The following TESPA1 variants were observed in gnomAD, a reference collection of about 807,000 sequenced individuals.
TESPA1 encodes the protein protein TESPA1.
Under a neutral mutation model 57.9 loss-of-function variants are expected in TESPA1, and 33 were observed. The ratio of observed to expected loss-of-function variants is 0.57; its 90% CI spans 0.43 to 0.76. The LOEUF (loss-of-function observed/expected upper bound fraction) is 0.76. Ranked by LOEUF, TESPA1 falls within the 30% of genes least tolerant of loss-of-function variation. The probability of loss-of-function intolerance (pLI) is 0.00; values close to 1 mark genes in which losing one functional copy is unlikely to be tolerated. For missense variants in TESPA1, 618 were observed against 632.9 expected, an observed-to-expected ratio of 0.98 and a Z score of 0.25; for synonymous variants, 227 against 228.9, an observed-to-expected ratio of 0.99 and a Z score of 0.07.
chr12:54,962,712 G>A lies in TESPA1; in HGVS notation c.1186C>T (p.Pro396Ser). The A allele has an allele frequency of 6.2e-7, 1 of 1,613,916 alleles. No individual in the cohort carries two copies. The highest frequency in any genetic ancestry group is 8.5e-7 in the Non-Finnish European group (1 of 1,179,884). ...PKVPCCTHSL[P>S]IEDPQWSTDP... ...GTGCTCCACTGTGGATCTTCTATGGGCAGAGAATGTGTGCAACAGGGTACC... is the reference window on the plus strand; with the variant it reads ...GTGCTCCACTGTGGATCTTCTATGGACAGAGAATGTGTGCAACAGGGTACC... Residue 396 changes from proline (P) to serine (S), a missense_variant, in exon 9 of 11, where the codon CCC (proline) becomes TCC (serine). By Grantham distance (74) the Pro-to-Ser change is moderately conservative (BLOSUM62 -1). Coordinates refer to ENST00000449076, the MANE Select transcript of TESPA1 (RefSeq NM_001136030.3).
intron 1 of TESPA1, chr12:54,984,113 T>C (rs758021394): frequency 6.6e-6 from 1 of 152,208 alleles, no homozygotes; most frequent in African/African-American, 2.4e-5. Flanking sequence ...GAAAGCAAAG[T>C]TGATTTCAGC....
chr12:54,969,753 A>G (rs997645634), intron 3 of TESPA1, among the ~76,000 whole-genome samples: 3 of 152,194 alleles, frequency 2.0e-5, no homozygotes, highest in Admixed American at 6.5e-5. Flanking sequence ...ATAAAGTTCA[A>G]AATAATCCCA....
chr12:54,962,133 T>G (rs1307196191), intron 9 of TESPA1, among the ~76,000 whole-genome samples: 1 of 152,242 alleles, frequency 6.6e-6, no homozygotes, highest in African/African-American at 2.4e-5. Context: ...GCTCTCCATT[T>G]GTAATCTCAT....
chr12:54,966,373 G>C lies in TESPA1; in HGVS notation c.347+15C>G. 1 of 1,613,896 alleles carries C rather than the reference G, an allele frequency of 6.2e-7. No individual in the cohort carries two copies. The highest frequency in any genetic ancestry group is 8.5e-7 in the Non-Finnish European group (1 of 1,179,790). On this transcript the variant is annotated intron_variant, in intron 6 of 10. Transcript: ENST00000449076. ...AAAGGAGACATCATTCACCCTGGCT[G>C]AACCTAACACTTACCTGGAGAAGAG...
chr12:54,978,663 T>C (rs1285991056), intron 1 of TESPA1, among the ~76,000 whole-genome samples: 1 of 152,040 alleles, frequency 6.6e-6, no homozygotes, highest in African/African-American at 2.4e-5. Flanking sequence ...ATACAGGGAG[T>C]CAGTCAGGTG....
rs148518799 is a variant in TESPA1, at chr12:54,962,636, G to A, written c.1262C>T (p.Thr421Met). Residue 421 changes from threonine (T) to methionine (M), a missense_variant, in exon 9 of 11, where the codon ACG becomes ATG. Physicochemically the swap from Thr to Met is moderately conservative, Grantham distance 81. Around this residue, in one of 3 missense-constraint regions of TESPA1, gnomAD observed 409 missense variants for 420.1 expected, o/e 0.97. Transcript: ENST00000449076. ...RELCSLPATNTETHPAKDETF... is the reference protein window; with the variant it reads ...RELCSLPATNMETHPAKDETF... Reference sequence around the variant, plus strand: ...CTCATCCTTGGCTGGATGGGTTTCCGTATTGGTGGCTGGTAGACTACACAG... The same window carrying A: ...CTCATCCTTGGCTGGATGGGTTTCCATATTGGTGGCTGGTAGACTACACAG... The A allele has an allele frequency of 9.4e-5, 152 of 1,613,904 alleles. No individual in the cohort carries two copies. Among genetic ancestry groups the A allele is most frequent in the East Asian group, 1.6e-4 (7 of 44,852 alleles).
intron 5 of TESPA1, 86 bp from the exon 6 acceptor site, chr12:54,966,510 C>T (rs1592370929): frequency 2.0e-6 from 3 of 1,489,782 alleles, no homozygotes; most frequent in Admixed American, 3.9e-5. Context: ...AAAACTCAGT[C>T]CCCTCTGTTT....
In TESPA1 at chr12:54,974,408, A is replaced by C. The variant is rs758647001; in HGVS notation, c.155T>G (p.Phe52Cys). The C allele has an allele frequency of 6.2e-7, 1 of 1,604,568 alleles. No homozygotes were observed. The highest frequency in any genetic ancestry group is 8.5e-7 in the Non-Finnish European group (1 of 1,175,982). Residue 52 changes from phenylalanine to cysteine, a missense_variant, in exon 2 of 11, where the codon TTC (phenylalanine) becomes TGC (cysteine). Phe to Cys is a radical substitution (Grantham distance 205). Around this residue, in one of 3 missense-constraint regions of TESPA1, gnomAD observed 199 missense variants for 184.0 expected, o/e 1.08. Coordinates refer to ENST00000449076, the MANE Select transcript of TESPA1 (RefSeq NM_001136030.3). ...TGATGTTCGTCTCTTACCTTCTTGG[A>C]AAACGTCATCCAGGCTGGAAGGCTC... The part of the protein sequence containing the change: ...DPEPSSLDDV[F>C]QEGNPINKIE...
chr12:54,966,805 G>A (rs1239117904), intron 5 of TESPA1, among the ~76,000 whole-genome samples: 1 of 152,132 alleles, frequency 6.6e-6, no homozygotes, highest in African/African-American at 2.4e-5. Context: ...CTTTACTGAT[G>A]TCCTTCTCCT....
In TESPA1 at chr12:54,963,255, G is replaced by A. The variant is rs766744425; in HGVS notation, c.656-13C>T. 1 of 1,597,072 alleles carries A rather than the reference G, an allele frequency of 6.3e-7. No individual in the cohort carries two copies. Among genetic ancestry groups the A allele is most frequent in the Non-Finnish European group, 8.5e-7 (1 of 1,171,432 alleles). On this transcript the variant is annotated splice_polypyrimidine_tract_variant and intron_variant, in intron 8 of 10. Transcript: ENST00000449076. Reference sequence around the variant, plus strand: ...TGCTTAAACCTGCCTGGGTACAAGAGTTAAAGATGGTAAGTCTGGGGTTCA... The same window carrying A: ...TGCTTAAACCTGCCTGGGTACAAGAATTAAAGATGGTAAGTCTGGGGTTCA...
In TESPA1 at chr12:54,974,462, G is replaced by A; in HGVS notation, c.101C>T (p.Ala34Val). 1 of 1,608,090 alleles carries A rather than the reference G, an allele frequency of 6.2e-7. No homozygotes were observed. Among genetic ancestry groups the A allele is most frequent in the Non-Finnish European group, 8.5e-7 (1 of 1,177,402 alleles). ...ATCTGGGACATCCTGCAGGGCGGCG[G>A]CAGCCTCCTCTTCTAGGACCTGGGT... ...WQTQVLEEEA[A>V]AALQDVPDPE... The change falls in exon 2 of 11, where the codon GCC becomes GTC. Residue 34 changes from alanine (A) to valine (V), a missense_variant. Ala to Val is a moderately conservative substitution (Grantham distance 64). Around this residue, in one of 3 missense-constraint regions of TESPA1, gnomAD observed 199 missense variants for 184.0 expected, o/e 1.08. Coordinates refer to ENST00000449076, the MANE Select transcript of TESPA1 (RefSeq NM_001136030.3).
rs1032550296 is a variant in TESPA1 at position 54,948,214 on chromosome 12, A to T, written c.*2178T>A. 6.5e-6 allele frequency: 1 copy of T among 153,822 alleles called. No individual in the cohort carries two copies. Among genetic ancestry groups the T allele is most frequent in the East Asian group, 1.9e-4 (1 of 5,284 alleles). 9.5% of individuals were successfully genotyped at this position (153,822 alleles called of 1,614,324 possible). On this transcript the variant is annotated 3_prime_UTR_variant, in exon 11 of 11. Transcript: ENST00000449076. ...CTCAGTGGGGGAGCTTCTGAGCCAG[A>T]AGAAGGAATTTCACAAAGTAATGTC... is the stretch of plus-strand genomic sequence containing the variant.
At chr12:54,976,260 A>G (rs1475783859) in intron 1 of TESPA1, among the ~76,000 whole-genome samples, 1 of 152,212 alleles carries the variant, frequency 6.6e-6, no homozygotes, top group Non-Finnish European at 1.5e-5. Context: ...TGCAACTGCC[A>G]CTAGAATGAC....
intron 10 of TESPA1, among the ~76,000 whole-genome samples, chr12:54,957,378 G>A (rs1950798025): frequency 6.6e-6 from 1 of 152,128 alleles, no homozygotes; most frequent in South Asian, 2.1e-4. Flanking sequence ...TACAGACTCT[G>A]AAAAAGGCAG....
intron 3 of TESPA1, 130 bp from the exon 4 acceptor site, chr12:54,968,022 T>C: frequency 6.5e-7 from 1 of 1,535,934 alleles, no homozygotes; most frequent in East Asian, 2.4e-5. Flanking sequence ...TGCTTTTATG[T>C]TGGAGAAAAC....
Position 54,961,210 on chromosome 12 carries a change from G to A in TESPA1, c.1525C>T (p.His509Tyr), listed in dbSNP as rs1951053594. 1.2e-6 allele frequency: 2 copies of A among 1,613,866 alleles called. No individual in the cohort carries two copies. The highest frequency in any genetic ancestry group is 1.7e-6 in the Non-Finnish European group (2 of 1,179,886). Residue 509 changes from histidine to tyrosine, a missense_variant, in exon 10 of 11, where the codon CAC becomes TAC. Physicochemically the swap from His to Tyr is moderately conservative, Grantham distance 83. Coordinates refer to ENST00000449076, the MANE Select transcript of TESPA1 (RefSeq NM_001136030.3). ...SQSRWPSRPR[H>Y]PHHHQTFAGK... is the part of the protein sequence containing the mutation. ...GCAAAAGTCTGGTGGTGGTGGGGGT[G>A]CCTGGGTCTGCTGGGCCAGCGACTC...
chr12:54,962,437 C>G lies in TESPA1; in HGVS notation c.1461G>C (p.Leu487Phe). Residue 487 changes from leucine to phenylalanine, a missense_variant, in exon 9 of 11, where the codon TTG becomes TTC. Leu to Phe is a conservative substitution (Grantham distance 22). Around this residue, in one of 3 missense-constraint regions of TESPA1, gnomAD observed 409 missense variants for 420.1 expected, o/e 0.97. Transcript: ENST00000449076. ...LSQQPQDTFD[L>F]EEVQSNSEEE... ...TCACCTCCAACCCACTTACCTCCTCCAAGTCAAAAGTGTCCTGTGGCTGCT... is the reference window on the plus strand; with the variant it reads ...TCACCTCCAACCCACTTACCTCCTCGAAGTCAAAAGTGTCCTGTGGCTGCT... 6.2e-7 allele frequency: 1 copy of G among 1,609,874 alleles called. No homozygotes were observed. The highest frequency in any genetic ancestry group is 8.5e-7 in the Non-Finnish European group (1 of 1,178,126).
chr12:54,964,040 ACTGAAATTCTTTT>A, intron 7 of TESPA1, 90 bp from the exon 8 acceptor site: 1 of 1,339,060 alleles, frequency 7.5e-7, no homozygotes, highest in Non-Finnish European at 1.0e-6. Context: ...GTGTCAGAAG[ACTGAAATTCTTTT>A]CTGTCCATTT....
intron 1 of TESPA1, among the ~76,000 whole-genome samples, chr12:54,978,969 G>A (rs918092477): frequency 1.3e-5 from 2 of 152,226 alleles, no homozygotes; most frequent in Non-Finnish European, 2.9e-5. Context: ...CATAAGTGCT[G>A]TACCTGCAGA....
Sources: allele counts gnomAD v4.1 joint callset (sites outside exome capture counted in the v4.1 genomes callset), GRCh38; gene constraint gnomAD v4.1.1; regional missense constraint gnomAD v4.1.1; transcripts MANE v1.5; gene names NCBI Gene and HGNC (gene_info 2026-07-23, HGNC 2026-07-21).